Variants in MGAT4C observed in about 807,000 individuals in gnomAD.
MGAT4C encodes the protein alpha-1,3-mannosyl-glycoprotein 4-beta-N-acetylglucosaminyltransferase C.
Under a neutral mutation model 40.1 loss-of-function variants are expected in MGAT4C, and 19 were observed. The ratio of observed to expected loss-of-function variants is 0.47; its 90% confidence interval spans 0.33 to 0.70. MGAT4C has a LOEUF of 0.70. MGAT4C is among the 30% of genes least tolerant of loss of function. The pLI, the probability that MGAT4C is intolerant of heterozygous loss-of-function variation, is 0.02. For missense variants in MGAT4C, 491 were observed against 563.2 expected, an observed-to-expected ratio of 0.87 and a Z score of 1.30; for synonymous variants, 181 against 187.1, an observed-to-expected ratio of 0.97 and a Z score of 0.27.
intron 1 of MGAT4C, among the ~76,000 whole-genome samples, chr12:86,095,204 C>A (rs12313444): frequency 6.6e-6 from 1 of 151,924 alleles, no homozygotes; most frequent in Non-Finnish European, 1.5e-5. Flanking sequence ...TGATGACTAG[C>A]GCATGCTCTT....
At chr12:86,526,148 C>G (rs1958877967) in intron 2 of MGAT4C, among the ~76,000 whole-genome samples, 1 of 152,038 alleles carries the variant, frequency 6.6e-6, no homozygotes, top group South Asian at 2.1e-4. Context: ...AGGGTGGTTG[C>G]TCAGGATGGG....
At chr12:86,510,312 G>A (rs1289591558) in intron 2 of MGAT4C, among the ~76,000 whole-genome samples, 2 of 152,050 alleles carry the variant, frequency 1.3e-5, no homozygotes, top group South Asian at 4.1e-4. Flanking sequence ...TCACCAACAG[G>A]CCTGCTCTAA....
chr12:86,122,632 G>A (rs1357289056), intron 1 of MGAT4C, among the ~76,000 whole-genome samples: 6 of 152,142 alleles, frequency 3.9e-5, no homozygotes, highest in Admixed American at 3.9e-4. Flanking sequence ...AACACTGCAA[G>A]ATGATCTAGT....
intron 2 of MGAT4C, among the ~76,000 whole-genome samples, chr12:86,638,355 A>C (rs1963283097): frequency 6.6e-6 from 1 of 151,866 alleles, no homozygotes; most frequent in Non-Finnish European, 1.5e-5. Context: ...AACTCAGCAC[A>C]TCTAGAGGCC....
chr12:86,275,132 G>A (rs1206515074), intron 4 of MGAT4C, among the ~76,000 whole-genome samples: 1 of 152,094 alleles, frequency 6.6e-6, no homozygotes, highest in African/African-American at 2.4e-5. Context: ...ATACCATTCA[G>A]AACAAGTATG....
chr12:86,653,660 T>C (rs1048473573), intron 2 of MGAT4C, among the ~76,000 whole-genome samples: 4 of 151,970 alleles, frequency 2.6e-5, no homozygotes, highest in African/African-American at 9.7e-5. Context: ...TATGTATCTT[T>C]CTTGTATAAC....
intron 1 of MGAT4C, among the ~76,000 whole-genome samples, chr12:86,193,964 A>G (rs1889807732): frequency 1.3e-5 from 2 of 151,978 alleles, no homozygotes; most frequent in African/African-American, 4.8e-5. Context: ...CATCTTACCT[A>G]ACCTCACTTT....
At chr12:86,616,527 T>G (rs1035190109) in intron 2 of MGAT4C, among the ~76,000 whole-genome samples, 1 of 152,076 alleles carries the variant, frequency 6.6e-6, no homozygotes, top group African/African-American at 2.4e-5. Flanking sequence ...CATGTAAGAG[T>G]TGCTATATCA....
In MGAT4C at chr12:85,973,584, CTT is replaced by C. The variant is rs1883742098; in HGVS notation, c.*5703_*5704del. On this transcript the variant is annotated 3_prime_UTR_variant, in exon 5 of 5. Transcript: ENST00000611864. ...AATATTGAATATTTTATTATTATGT[CTT>C]TGGCTCACCTACTTTAAGGAGATGG... 6.6e-6 allele frequency: 1 copy of C among 150,596 alleles called. No homozygotes were observed. Among genetic ancestry groups the C allele is most frequent in the African/African-American group, 2.4e-5 (1 of 41,252 alleles). 9.3% of individuals were successfully genotyped at this position (150,596 alleles called of 1,614,324 possible).
chr12:86,194,839 T>C (rs1014631776), intron 1 of MGAT4C, among the ~76,000 whole-genome samples: 3 of 152,192 alleles, frequency 2.0e-5, no homozygotes, highest in Non-Finnish European at 4.4e-5. Context: ...ATGGGCTTAT[T>C]TGGGTTTGCT....
At chr12:86,098,488 T>C (rs1874345184) in intron 1 of MGAT4C, among the ~76,000 whole-genome samples, 1 of 151,606 alleles carries the variant, frequency 6.6e-6, no homozygotes, top group African/African-American at 2.4e-5. Flanking sequence ...TTGGCTTCTT[T>C]TTGTGCATTG....
intron 2 of MGAT4C, among the ~76,000 whole-genome samples, chr12:86,443,374 C>A (rs1957270655): frequency 6.6e-6 from 1 of 152,074 alleles, no homozygotes. Flanking sequence ...GTCATAGAAG[C>A]ATGCTGAATA....
intron 2 of MGAT4C, among the ~76,000 whole-genome samples, chr12:86,659,883 G>A (rs1236961290): frequency 6.6e-6 from 1 of 151,742 alleles, no homozygotes; most frequent in East Asian, 1.9e-4. Flanking sequence ...AAGGTTTGCT[G>A]GGGGAATTAA....
At chr12:86,717,932 C>G (rs1379621294) in intron 2 of MGAT4C, among the ~76,000 whole-genome samples, 1 of 152,094 alleles carries the variant, frequency 6.6e-6, no homozygotes, top group Non-Finnish European at 1.5e-5. Flanking sequence ...TTCCAGGTTT[C>G]TTTTTCCCTT....
chr12:86,231,305 T>C (rs1411241365), intron 1 of MGAT4C, among the ~76,000 whole-genome samples: 1 of 152,322 alleles, frequency 6.6e-6, no homozygotes, highest in Non-Finnish European at 1.5e-5. Flanking sequence ...GCAAGATCCA[T>C]TAAAATTATT....
At chr12:86,042,568 G>C (rs1224027966) in intron 2 of MGAT4C, among the ~76,000 whole-genome samples, 1 of 152,000 alleles carries the variant, frequency 6.6e-6, no homozygotes, top group African/African-American at 2.4e-5. Flanking sequence ...TGCTTATGAA[G>C]ATTAGTTTGG....
chr12:86,765,259 G>A (rs984832534), intron 1 of MGAT4C, among the ~76,000 whole-genome samples: 1 of 152,104 alleles, frequency 6.6e-6, no homozygotes, highest in African/African-American at 2.4e-5. Context: ...TGGAAGAAAG[G>A]GTACCAGTGA....
At position 86,782,863 on chromosome 12, in the gene MGAT4C, C is replaced by T. The variant is rs116561857; in HGVS notation, c.-261-55622G>A. Among the ~76,000 whole-genome samples, 470 of 151,996 alleles carry T rather than the reference C, an allele frequency of 3.1e-3. 2 individuals are homozygous for T. Among genetic ancestry groups the T allele is most frequent in the African/African-American group, 0.01 (431 of 41,298 alleles). On this transcript the variant is annotated intron_variant, in intron 1 of 7. Transcript: ENST00000548651. Reference sequence around the variant, plus strand: ...AGAAAGAGGTTTCAGAAACCAACCCCGCCAGCATCTTAATCTTGGGGACTT... The same window carrying T: ...AGAAAGAGGTTTCAGAAACCAACCCTGCCAGCATCTTAATCTTGGGGACTT...
At chr12:86,526,237 G>A (rs921152869) in intron 2 of MGAT4C, among the ~76,000 whole-genome samples, 3 of 152,114 alleles carry the variant, frequency 2.0e-5, no homozygotes, top group African/African-American at 7.2e-5. Flanking sequence ...GCAGGAGCAG[G>A]GTTGGCCGGC....
Sources: gnomAD v4.1 joint callset for allele counts (sites outside exome capture counted in the v4.1 genomes callset) on GRCh38, gnomAD v4.1.1 for gene constraint, MANE v1.5 for transcripts, NCBI Gene and HGNC (gene_info 2026-07-23, HGNC 2026-07-21) for gene names.